CADPS2: variants seen among roughly 807,000 people sequenced by gnomAD.
The protein encoded by CADPS2 is calcium dependent secretion activator 2.
In CADPS2, 93 loss-of-function variants were observed where a neutral mutation model predicts 172.5. The ratio of observed to expected loss-of-function variants is 0.54; its 90% CI spans 0.46 to 0.64. The LOEUF is 0.64. Among genes scored for constraint, CADPS2 ranks in the 30% least tolerant of loss-of-function variants. CADPS2 has a pLI of 0.00. For synonymous variants in CADPS2, 546 were observed against 555.2 expected, an observed-to-expected ratio of 0.98 and a Z score of 0.23; for missense variants, 1,420 against 1,565.9, an observed-to-expected ratio of 0.91 and a Z score of 1.57.
chr7:122,554,922 G>T (rs901180535), intron 7 of CADPS2, among the ~76,000 whole-genome samples: 2 of 151,858 alleles, frequency 1.3e-5, no homozygotes, highest in African/African-American at 4.8e-5. Flanking sequence ...TTCTTCCTGT[G>T]TCACTTCATA....
At chr7:122,543,294 T>G (rs1454454024) in intron 8 of CADPS2, among the ~76,000 whole-genome samples, 2 of 152,116 alleles carry the variant, frequency 1.3e-5, no homozygotes, top group Admixed American at 6.6e-5. Context: ...TTTTAAAAAT[T>G]TTCTAGTCTA....
chr7:122,579,169 G>A (rs117244296), intron 7 of CADPS2, among the ~76,000 whole-genome samples: 3,303 of 152,032 alleles, frequency 0.022, 53 homozygotes, highest in Non-Finnish European at 0.031. Flanking sequence ...ACCTATTGAG[G>A]TCATTAGTAT....
At chr7:122,788,681 C>T (rs1432014895) in intron 1 of CADPS2, among the ~76,000 whole-genome samples, 2 of 152,166 alleles carry the variant, frequency 1.3e-5, no homozygotes, top group African/African-American at 4.8e-5. Flanking sequence ...TAGCTTTGAA[C>T]CTGATGGCTT....
chr7:122,826,534 A>C (rs1804926772), intron 1 of CADPS2, among the ~76,000 whole-genome samples: 1 of 152,220 alleles, frequency 6.6e-6, no homozygotes, highest in African/African-American at 2.4e-5. Flanking sequence ...ATAAAAAATA[A>C]ACAATCATAA....
chr7:122,501,287 A>C (rs1316227845), intron 9 of CADPS2, among the ~76,000 whole-genome samples: 5 of 152,080 alleles, frequency 3.3e-5, no homozygotes, highest in Non-Finnish European at 7.4e-5. Context: ...ATTACATATG[A>C]TAGAATTATA....
At chr7:122,427,271 G>A (rs1164559383) in intron 17 of CADPS2, 2 of 152,016 alleles carry the variant, frequency 1.3e-5, no homozygotes, top group Non-Finnish European at 2.9e-5. Flanking sequence ...TTTCTGAACT[G>A]TTATCTAAGT....
intron 1 of CADPS2, among the ~76,000 whole-genome samples, chr7:122,817,462 G>A (rs1478514487): frequency 2.0e-5 from 3 of 152,064 alleles, no homozygotes; most frequent in South Asian, 2.1e-4. Flanking sequence ...AAGGCGACAC[G>A]TTTTATCCGT....
At chr7:122,677,751 C>T (rs2082538873) in intron 2 of CADPS2, among the ~76,000 whole-genome samples, 1 of 152,168 alleles carries the variant, frequency 6.6e-6, no homozygotes, top group Non-Finnish European at 1.5e-5. Flanking sequence ...AGCCCAGTCT[C>T]ACTCTAGAGC....
chr7:122,348,877 A>C (rs2038101452), intron 27 of CADPS2, among the ~76,000 whole-genome samples: 1 of 152,180 alleles, frequency 6.6e-6, no homozygotes, highest in Non-Finnish European at 1.5e-5. Context: ...TTTTCCTTTT[A>C]AACAGTTTCT....
In CADPS2 at chr7:122,320,115, A is replaced by G. The variant is rs1198269056; in HGVS notation, c.*50T>C. ...TTACAAGGACAAGGTTAAAAAAATA[A>G]AAAACAATGTCGATCAAGGTCTTCC... On this transcript the variant is annotated 3_prime_UTR_variant, in exon 30 of 30. Transcript: ENST00000449022. The G allele has an allele frequency of 5.7e-6, 8 of 1,411,908 alleles. No individual in the cohort carries two copies. Among genetic ancestry groups the G allele is most frequent in the Admixed American group, 2.6e-5 (1 of 37,818 alleles). 87.5% of individuals were successfully genotyped at this position (1,411,908 alleles called of 1,614,324 possible).
intron 20 of CADPS2, among the ~76,000 whole-genome samples, chr7:122,402,413 G>A (rs910620012): frequency 2.6e-5 from 4 of 152,152 alleles, no homozygotes; most frequent in Non-Finnish European, 4.4e-5. Flanking sequence ...CCCCCCGCCC[G>A]AGTTCCTGCC....
rs925441960 is a variant in CADPS2, at chr7:122,318,650, T to C, written c.*1515A>G. On this transcript the variant is annotated 3_prime_UTR_variant, in exon 30 of 30. Coordinates refer to ENST00000449022, the MANE Select transcript of CADPS2 (RefSeq NM_017954.11). ...CTGCCTTTCAAAGATAGTGAGTTGG[T>C]AGAGTTAGTCTTTAATCCCGGAAGA... 2 of 152,140 alleles carry C rather than the reference T, an allele frequency of 1.3e-5. No homozygotes were observed. Among genetic ancestry groups the C allele is most frequent in the Non-Finnish European group, 2.9e-5 (2 of 68,020 alleles). 9.4% of individuals were successfully genotyped at this position (152,140 alleles called of 1,614,324 possible).
chr7:122,426,063 A>C (rs1235276953), intron 17 of CADPS2: 1 of 152,260 alleles, frequency 6.6e-6, no homozygotes, highest in South Asian at 2.1e-4. Flanking sequence ...GGGGACAGGG[A>C]CTCCAGAGAC....
intron 28 of CADPS2, among the ~76,000 whole-genome samples, chr7:122,326,151 C>T (rs2033816820): frequency 6.6e-6 from 1 of 150,942 alleles, no homozygotes; most frequent in Non-Finnish European, 1.5e-5. Context: ...TTACCAAGCT[C>T]TTTTAAAACC....
chr7:122,736,999 C>T lies in CADPS2; in HGVS notation c.409G>A (p.Val137Ile). Residue 137 changes from valine (V) to isoleucine (I), a missense_variant, in exon 2 of 30, where the codon GTA becomes ATA. Transcript: ENST00000449022. ...GCGTTGCAAAATGCTTCGTCAGCTA[C>T]AATTTGGGTTTCCCCATTGAGGAAG... ...QAFLNGETQI[V>I]ADEAFCNAVR... 1.2e-6 allele frequency: 2 copies of T among 1,612,688 alleles called. No homozygotes were observed. Among genetic ancestry groups the T allele is most frequent in the South Asian group, 1.1e-5 (1 of 91,052 alleles).
chr7:122,442,935 G>A (rs1462471971), intron 15 of CADPS2, among the ~76,000 whole-genome samples: 1 of 152,146 alleles, frequency 6.6e-6, no homozygotes, highest in Non-Finnish European at 1.5e-5. Flanking sequence ...CTGTGCAGTG[G>A]TGCTTTTAAG....
At chr7:122,575,685 C>T (rs1587487982) in intron 7 of CADPS2, among the ~76,000 whole-genome samples, 1 of 152,106 alleles carries the variant, frequency 6.6e-6, no homozygotes, top group Admixed American at 6.6e-5. Flanking sequence ...GATCTGCCTG[C>T]CTCGGCCTCC....
intron 1 of CADPS2, among the ~76,000 whole-genome samples, chr7:122,762,050 ACACAC>A (rs1470319327): frequency 2.7e-5 from 4 of 148,424 alleles, no homozygotes; most frequent in African/African-American, 1.0e-4. Flanking sequence ...ACACACACAC[ACACAC>A]ACGTATATTT....
At chr7:122,341,631 G>A (rs2036804336) in intron 28 of CADPS2, among the ~76,000 whole-genome samples, 2 of 152,146 alleles carry the variant, frequency 1.3e-5, no homozygotes, top group Admixed American at 1.3e-4. Flanking sequence ...GGTAGAGAGA[G>A]CATAGACTTT....
Sources: allele counts gnomAD v4.1 joint callset (sites outside exome capture counted in the v4.1 genomes callset), GRCh38; gene constraint gnomAD v4.1.1; transcripts MANE v1.5; gene names NCBI Gene and HGNC (gene_info 2026-07-23, HGNC 2026-07-21).